The following CD36 variants were observed in gnomAD, a reference collection of about 807,000 sequenced individuals.
CD36 encodes the protein CD36 molecule (CD36 blood group).
CD36 carries 119 observed loss-of-function variants against 55.2 expected under a neutral mutation model. The observed-to-expected ratio is 2.15, with a 90% CI of 1.86 to 2.51. The LOEUF (loss-of-function observed/expected upper bound fraction) is 2.51. Ranked by LOEUF, CD36 falls within the 30% of genes most tolerant of loss-of-function variation. The pLI is 0.00. For missense variants in CD36, 819 were observed against 555.5 expected (o/e 1.47, Z -4.77); for synonymous variants, 186 against 193.6 (o/e 0.96, Z 0.33).
In CD36 at chr7:80,671,030, A is replaced by G. The variant is rs200752989; in HGVS notation, c.872A>G (p.Tyr291Cys). ...GTTAATCTGAAAGGAATCCCTGTGT[A>G]TAGATTTGTTCTTCCATCCAAGGCC... Reference protein sequence around the residue: ...SDVNLKGIPVYRFVLPSKAFA... With the variant: ...SDVNLKGIPVCRFVLPSKAFA... The change falls in exon 10 of 15, where the codon TAT (tyrosine) becomes TGT (cysteine). Residue 291 changes from tyrosine (Y) to cysteine (C), a missense_variant. By Grantham distance (194) the Tyr-to-Cys change is radical. Coordinates refer to ENST00000447544, the MANE Select transcript of CD36 (RefSeq NM_001001548.3). 136 of 1,613,146 alleles carry G rather than the reference A, an allele frequency of 8.4e-5. No individual in the cohort carries two copies. Among genetic ancestry groups the G allele is most frequent in the Middle Eastern group, 6.6e-4 (4 of 6,080 alleles).
Position 80,617,455 on chromosome 7 carries a change from G to A in CD36, c.-184+15076G>A, listed in dbSNP as rs144600451. Among the ~76,000 whole-genome samples the A allele has an allele frequency of 8.8e-4, 134 of 152,132 alleles. 1 individual carries two copies. The highest frequency in any genetic ancestry group is 3.1e-3 in the African/African-American group (127 of 41,508). On this transcript the variant is annotated intron_variant, in intron 1 of 13. Coordinates refer to the CD36 transcript ENST00000309881. ...AAAATTGCTGTGAAGGGCCAGGCAC[G>A]GTGGCTCACACCTGTAATCCCAGCA...
At chr7:80,670,909 A>C in intron 9 of CD36, 68 bp from the exon 10 acceptor site, 1 of 1,074,020 alleles carries the variant, frequency 9.3e-7, no homozygotes, top group Non-Finnish European at 1.4e-6. Flanking sequence ...AACAAGAATA[A>C]GAAAAAATGA....
intron 3 of CD36, among the ~76,000 whole-genome samples, chr7:80,650,130 CAAG>C (rs756417811): frequency 6.6e-6 from 1 of 150,414 alleles, no homozygotes; most frequent in Non-Finnish European, 1.5e-5. Flanking sequence ...GATTCAAACT[CAAG>C]GAGGTGGTAC....
At chr7:80,671,782 G>A (rs1797694696) in intron 10 of CD36, 140 bp from the exon 11 acceptor site, 2 of 709,168 alleles carry the variant, frequency 2.8e-6, no homozygotes, top group Non-Finnish European at 4.9e-6. Flanking sequence ...GAAATCAACT[G>A]ACATAATTCT....
At chr7:80,669,714 C>T (rs1405621657) in intron 8 of CD36, among the ~76,000 whole-genome samples, 1 of 152,144 alleles carries the variant, frequency 6.6e-6, no homozygotes, top group African/African-American at 2.4e-5. Flanking sequence ...CCAGGCTGGT[C>T]TCAAACCCCT....
intron 8 of CD36, 51 bp from the exon 9 acceptor site, chr7:80,669,902 T>A: frequency 7.7e-7 from 1 of 1,293,248 alleles, no homozygotes; most frequent in Non-Finnish European, 1.1e-6. Context: ...TCTAGGTTTT[T>A]TTCTAGAACA....
chr7:80,611,684 G>A (rs1792885588), intron 1 of CD36, among the ~76,000 whole-genome samples: 1 of 152,152 alleles, frequency 6.6e-6, no homozygotes, highest in South Asian at 2.1e-4. Flanking sequence ...TTGGTTGGTT[G>A]GGGAGGGTCG....
chr7:80,628,463 A>G (rs1793872122), intron 1 of CD36, among the ~76,000 whole-genome samples: 2 of 152,070 alleles, frequency 1.3e-5, no homozygotes, highest in Admixed American at 6.6e-5. Flanking sequence ...GCTTCATGTT[A>G]TATTAATATC....
At chr7:80,613,125 CA>C (rs1562769885) in intron 1 of CD36, among the ~76,000 whole-genome samples, 1 of 151,832 alleles carries the variant, frequency 6.6e-6, no homozygotes, top group Admixed American at 6.6e-5. Flanking sequence ...ATGAGTCACA[CA>C]AAGAAAAAGT....
At chr7:80,667,411 T>C (rs1016283507) in intron 8 of CD36, among the ~76,000 whole-genome samples, 1 of 121,926 alleles carries the variant, frequency 8.2e-6, no homozygotes, top group Non-Finnish European at 1.6e-5. Flanking sequence ...GCCTGGGCAA[T>C]AGTGTGAGAC....
intron 1 of CD36, among the ~76,000 whole-genome samples, chr7:80,604,390 T>TTTAGC (rs144014175): frequency 3.6e-5 from 4 of 109,642 alleles, no homozygotes; most frequent in East Asian, 5.7e-4. Flanking sequence ...TTTTTTTTTT[T>TTTAGC]AGCAAAGTAT....
intron 1 of CD36, among the ~76,000 whole-genome samples, chr7:80,624,487 T>C (rs1378565136): frequency 6.6e-6 from 1 of 152,152 alleles, no homozygotes; most frequent in Non-Finnish European, 1.5e-5. Context: ...TGTTAATAAG[T>C]GGTAAGAAGG....
chr7:80,655,662 AAGTT>A (rs1337016914), intron 3 of CD36, among the ~76,000 whole-genome samples: 1 of 152,082 alleles, frequency 6.6e-6, no homozygotes, highest in African/African-American at 2.4e-5. Flanking sequence ...AATATATTGA[AAGTT>A]AGGGGCTGTG....
intron 1 of CD36, among the ~76,000 whole-genome samples, chr7:80,614,189 A>G (rs538168394): frequency 3.9e-5 from 6 of 152,318 alleles, no homozygotes; most frequent in African/African-American, 1.2e-4. Context: ...AATGGGCATC[A>G]TTCTCTTTTT....
At chr7:80,604,849 A>T (rs1792453544) in intron 1 of CD36, among the ~76,000 whole-genome samples, 1 of 152,146 alleles carries the variant, frequency 6.6e-6, no homozygotes, top group Non-Finnish European at 1.5e-5. Context: ...AAAATTAAAA[A>T]AATATATATT....
rs577611417 is a variant in CD36 at position 80,651,863 on chromosome 7, C to A, written c.121-4677C>A. 4.5e-4 allele frequency among the ~76,000 whole-genome samples: 69 copies of A among 152,246 alleles called. No individual in the cohort carries two copies. The East Asian group carries it at 0.013, about 29-fold the overall frequency. On this transcript the variant is annotated intron_variant, in intron 3 of 14. Transcript: ENST00000447544. ...GGTTGAGGCTGCAGTGAGCTAAGGTCGCGCCTCTGTACTTCAGCCTGGGTG... is the reference window on the plus strand; with the variant it reads ...GGTTGAGGCTGCAGTGAGCTAAGGTAGCGCCTCTGTACTTCAGCCTGGGTG...
At chr7:80,665,335 A>G (rs1342618964) in intron 7 of CD36, among the ~76,000 whole-genome samples, 1 of 150,388 alleles carries the variant, frequency 6.6e-6, no homozygotes, top group Non-Finnish European at 1.5e-5. Context: ...GTGTTTGACT[A>G]GTTTTTTTCT....
chr7:80,653,056 T>C (rs1795748277), intron 3 of CD36, among the ~76,000 whole-genome samples: 1 of 152,188 alleles, frequency 6.6e-6, no homozygotes, highest in Non-Finnish European at 1.5e-5. Context: ...TTAAATAATC[T>C]GCTCAAACTT....
At chr7:80,658,276 T>TATAC (rs71519000) in intron 4 of CD36, among the ~76,000 whole-genome samples, 19 of 151,018 alleles carry the variant, frequency 1.3e-4, no homozygotes, top group African/African-American at 1.2e-4. Flanking sequence ...CATATATATA[T>TATAC]ACACACATAT....
Sources: allele counts gnomAD v4.1 joint callset (sites outside exome capture counted in the v4.1 genomes callset), GRCh38; gene constraint gnomAD v4.1.1; transcripts MANE v1.5; gene names NCBI Gene and HGNC (gene_info 2026-07-23, HGNC 2026-07-21).